The following STX6 variants were observed in gnomAD, a reference collection of about 807,000 sequenced individuals.
The protein encoded by STX6 is syntaxin 6, also known as syntaxin-6.
In STX6, 23 loss-of-function variants were observed where a neutral mutation model predicts 38.0. The ratio of observed to expected loss-of-function variants is 0.60; its 90% confidence interval spans 0.43 to 0.86. STX6 has a LOEUF of 0.86. STX6 is among the 40% of genes least tolerant of loss of function. STX6 has a pLI of 0.00. For synonymous variants in STX6, 123 were observed against 107.5 expected (o/e 1.14, Z -0.89); for missense variants, 274 against 312.9 (o/e 0.88, Z 0.94).
At chr1:181,012,291 G>A (rs993836397) in intron 1 of STX6, among the ~76,000 whole-genome samples, 2 of 152,134 alleles carry the variant, frequency 1.3e-5, no homozygotes, top group African/African-American at 2.4e-5. Context: ...AGAGAAAGAC[G>A]GCTATCTCCA....
At chr1:181,008,534 A>G (rs1323976845) in intron 1 of STX6, among the ~76,000 whole-genome samples, 1 of 152,126 alleles carries the variant, frequency 6.6e-6, no homozygotes, top group Non-Finnish European at 1.5e-5. Context: ...CTTTTGGATG[A>G]TTTTATAACA....
At chr1:180,999,879 C>T (rs1251057972) in intron 3 of STX6, among the ~76,000 whole-genome samples, 1 of 152,082 alleles carries the variant, frequency 6.6e-6, no homozygotes, top group African/African-American at 2.4e-5. Flanking sequence ...ATCTGCTAAC[C>T]CTCTGCTCCC....
chr1:181,013,294 G>C (rs534920441), intron 1 of STX6, among the ~76,000 whole-genome samples: 2 of 152,126 alleles, frequency 1.3e-5, no homozygotes, highest in Admixed American at 1.3e-4. Context: ...AACAAATTGC[G>C]TAAGTGTAGC....
Position 180,974,200 on chromosome 1 carries a change from A to G in STX6, c.*2370T>C, listed in dbSNP as rs556330462. 1 of 152,336 alleles carries G rather than the reference A, an allele frequency of 6.6e-6. No homozygotes were observed. The highest frequency in any genetic ancestry group is 2.1e-4 in the South Asian group (1 of 4,822). The allele number at this position is 152,336 out of a possible 1,614,324, so 9.4% of individuals were successfully genotyped here. ...TCAAATTAACACTGGTTCTGTAGGG[A>G]CTGCCCAGTCAGGGTGCAATGGGAT... On this transcript the variant is annotated 3_prime_UTR_variant, in exon 8 of 8. Transcript: ENST00000258301.
chr1:181,013,510 G>A (rs928277919), intron 1 of STX6, among the ~76,000 whole-genome samples: 1 of 152,154 alleles, frequency 6.6e-6, no homozygotes, highest in African/African-American at 2.4e-5. Flanking sequence ...TGTAGAAACA[G>A]GGTCTCGCTG....
intron 4 of STX6, among the ~76,000 whole-genome samples, chr1:180,992,468 T>C (rs1214668443): frequency 6.6e-6 from 1 of 152,230 alleles, no homozygotes; most frequent in Non-Finnish European, 1.5e-5. Flanking sequence ...AATGGACAAT[T>C]CATAACTTTC....
rs556763502 is a variant in STX6, at chr1:180,994,218, C to G, written c.301-793G>C. Among the ~76,000 whole-genome samples, 102 of 152,296 alleles carry G rather than the reference C, an allele frequency of 6.7e-4. 1 individual carries two copies. Among genetic ancestry groups the G allele is most frequent in the African/African-American group, 2.1e-3 (89 of 41,562 alleles). ...ACTGCAACAACAGTTTTTAAAAGGT[C>G]GTCAAAATATAATTTATGCAAACAT... On this transcript the variant is annotated intron_variant, in intron 3 of 7. Coordinates refer to ENST00000258301, the MANE Select transcript of STX6 (RefSeq NM_005819.6).
chr1:181,013,431 G>T (rs1475518930), intron 1 of STX6, among the ~76,000 whole-genome samples: 1 of 152,110 alleles, frequency 6.6e-6, no homozygotes, highest in East Asian at 1.9e-4. Context: ...GGATTCTTCC[G>T]TCTCAGCCTC....
chr1:181,005,670 A>G (rs1463012728), intron 1 of STX6, among the ~76,000 whole-genome samples: 1 of 152,230 alleles, frequency 6.6e-6, no homozygotes, highest in East Asian at 1.9e-4. Flanking sequence ...GGAATACAAT[A>G]GCCATTATTT....
At chr1:180,994,249 T>C (rs1003566475) in intron 3 of STX6, among the ~76,000 whole-genome samples, 6 of 152,226 alleles carry the variant, frequency 3.9e-5, no homozygotes, top group African/African-American at 1.4e-4. Context: ...AACATCAAAG[T>C]GTAAGACTTT....
Position 181,005,433 on chromosome 1 carries a change from C to T in STX6, c.66G>A (p.Gln22=). The T allele has an allele frequency of 6.2e-7, 1 of 1,613,974 alleles. No individual in the cohort carries two copies. ...GEVQKAVNTA[Q]GLFQRWTELL... The stretch of plus-strand genomic sequence containing the variant: ...GCTCTGTCCATCTCTGAAACAATCC[C>T]TGGGCAGTGTTGACTGCTTTCTGTA... The change falls in exon 2 of 8, where the codon CAG becomes CAA. Residue 22 remains glutamine, a synonymous_variant. Coordinates refer to ENST00000258301, the MANE Select transcript of STX6 (RefSeq NM_005819.6).
At chr1:180,999,514 C>A (rs1656016346) in intron 3 of STX6, among the ~76,000 whole-genome samples, 1 of 152,008 alleles carries the variant, frequency 6.6e-6, no homozygotes, top group Non-Finnish European at 1.5e-5. Flanking sequence ...TAAAAACTGC[C>A]AGCAAAACTG....
Position 181,017,748 on chromosome 1 carries a change from GA to G in STX6, c.35+4890del, listed in dbSNP as rs1656603081. 3.3e-5 allele frequency among the ~76,000 whole-genome samples: 5 copies of G among 152,258 alleles called. No individual in the cohort carries two copies. In the South Asian group the frequency reaches 1.0e-3, roughly 32 times the overall value. On this transcript the variant is annotated intron_variant, in intron 1 of 7. Transcript: ENST00000258301. Reference sequence around the variant, plus strand: ...ATATTTTCACCCGGAGATTAGTAAAGATTTTTTTAATGAAAATCCCAGTACT... The same window carrying G: ...ATATTTTCACCCGGAGATTAGTAAAGTTTTTTTAATGAAAATCCCAGTACT...
At chr1:181,016,815 G>A (rs543962266) in intron 1 of STX6, among the ~76,000 whole-genome samples, 8 of 152,238 alleles carry the variant, frequency 5.3e-5, no homozygotes, top group Middle Eastern at 3.4e-3. Flanking sequence ...TGCTGGGTGC[G>A]GTGGCTCATG....
intron 5 of STX6, among the ~76,000 whole-genome samples, chr1:180,989,776 G>A (rs977389243): frequency 4.6e-5 from 7 of 152,056 alleles, no homozygotes; most frequent in African/African-American, 1.2e-4. Context: ...GAGCCACCAC[G>A]CCTGGCTGAG....
intron 1 of STX6, among the ~76,000 whole-genome samples, chr1:181,019,280 TCAC>T (rs1450001258): frequency 2.7e-5 from 4 of 149,072 alleles, no homozygotes; most frequent in Admixed American, 6.8e-5. Flanking sequence ...TCCATCACAA[TCAC>T]CACCATCAAC....
rs924670966 is a variant in STX6, at chr1:181,022,819, G to C, written c.-146C>G. 2.7e-6 allele frequency: 2 copies of C among 750,872 alleles called. No homozygotes were observed. Among genetic ancestry groups the C allele is most frequent in the South Asian group, 1.7e-5 (1 of 59,152 alleles). The allele number at this position is 750,872 out of a possible 1,614,324, so 46.5% of individuals were successfully genotyped here. A position where few individuals can be genotyped will look rare whatever the true frequency, so the allele number is the denominator to read the frequency against. ...AGCAGCGGGCACGCGCACAGGCCAGGTGCACAGGACGGCCGCTGGTCCAGC... is the reference window on the plus strand; with the variant it reads ...AGCAGCGGGCACGCGCACAGGCCAGCTGCACAGGACGGCCGCTGGTCCAGC... On this transcript the variant is annotated 5_prime_UTR_variant, in exon 1 of 8. Transcript: ENST00000258301.
chr1:180,988,029 T>C, intron 6 of STX6: 2 of 427,288 alleles, frequency 4.7e-6, no homozygotes, highest in Non-Finnish European at 8.5e-6. Context: ...TTAAAAATAA[T>C]AACAACTTCA....
intron 1 of STX6, among the ~76,000 whole-genome samples, chr1:181,007,778 T>C (rs563568994): frequency 6.6e-6 from 1 of 152,316 alleles, no homozygotes; most frequent in Non-Finnish European, 1.5e-5. Flanking sequence ...ATCTAATCTA[T>C]TTACTATATT....
Sources: allele counts gnomAD v4.1 joint callset (sites outside exome capture counted in the v4.1 genomes callset), GRCh38; gene constraint gnomAD v4.1.1; transcripts MANE v1.5; gene names NCBI Gene and HGNC (gene_info 2026-07-23, HGNC 2026-07-21).